The following AFTPH variants were observed in gnomAD, a reference collection of about 807,000 sequenced individuals.
The protein encoded by AFTPH is aftiphilin protein.
Under a neutral mutation model 72.5 loss-of-function variants are expected in AFTPH, and 7 were observed. The ratio of observed to expected loss-of-function variants is 0.10; its 90% CI spans 0.05 to 0.18. The LOEUF is 0.18. AFTPH is among the 10% of genes least tolerant of loss of function. The pLI, the probability that AFTPH is intolerant of heterozygous loss-of-function variation, is 1.00. For synonymous variants in AFTPH, 337 were observed against 370.1 expected, an observed-to-expected ratio of 0.91 and a Z score of 1.03; for missense variants, 979 against 1,060.5, an observed-to-expected ratio of 0.92 and a Z score of 1.07.
chr2:64,562,172 C>T (rs551906657), intron 2 of AFTPH, among the ~76,000 whole-genome samples: 3 of 152,122 alleles, frequency 2.0e-5, no homozygotes, highest in South Asian at 4.1e-4. Flanking sequence ...TGTAGAGCGT[C>T]AAGCATAATA....
chr2:64,534,330 A>G (rs926017276), intron 1 of AFTPH, among the ~76,000 whole-genome samples: 5 of 149,984 alleles, frequency 3.3e-5, no homozygotes, highest in Non-Finnish European at 7.4e-5. Context: ...TTTACACTGA[A>G]CTCTTTTTAT....
exon 2 of AFTPH, chr2:64,551,757 G>C (rs747011850): frequency 1.9e-6 from 3 of 1,613,604 alleles, no homozygotes; most frequent in South Asian, 2.2e-5. Context: ...CATCACTGCT[G>C]AACTTTCTGC....
rs1672428792 is a variant in AFTPH at position 64,571,474 on chromosome 2, G to A, written c.2272-1472G>A. ...TGCATAAGGGCACACCAGAGAGCCT[G>A]TATAATACATATGGTATTGAGTTAG... On this transcript the variant is annotated intron_variant, in intron 5 of 8. Transcript: ENST00000238856. 6.6e-5 allele frequency among the ~76,000 whole-genome samples: 10 copies of A among 152,266 alleles called. No individual in the cohort carries two copies. In the South Asian group the frequency reaches 2.1e-3, roughly 32 times the overall value.
rs1253738724 is a variant in AFTPH at position 64,551,962 on chromosome 2, A to T, written c.488A>T (p.His163Leu). 1.2e-6 allele frequency: 2 copies of T among 1,613,620 alleles called. No individual in the cohort carries two copies. The highest frequency in any genetic ancestry group is 8.5e-7 in the Non-Finnish European group (1 of 1,179,998). The change falls in exon 2 of 9, where the codon CAT (histidine) becomes CTT (leucine). Residue 163 changes from histidine (H) to leucine (L), a missense_variant. His to Leu is a moderately conservative substitution (Grantham distance 99). Coordinates refer to ENST00000238856, the Ensembl canonical transcript of AFTPH. ...TTTAGAACTAATATGAATGTTGTTC[A>T]TCAAAACAAGCAGTTAGAGAGCTGC...
intron 1 of AFTPH, among the ~76,000 whole-genome samples, chr2:64,544,771 C>G (rs58451913): frequency 1.3e-5 from 2 of 152,092 alleles, no homozygotes; most frequent in African/African-American, 4.8e-5. Context: ...GTCTCCCCTA[C>G]ACTGATTGGT....
intron 1 of AFTPH, among the ~76,000 whole-genome samples, chr2:64,537,620 G>A (rs1669967567): frequency 6.6e-6 from 1 of 152,130 alleles, no homozygotes; most frequent in Admixed American, 6.6e-5. Context: ...TTCTGAAAGT[G>A]AAAATTGTTA....
At chr2:64,549,730 A>G (rs1048947130) in intron 1 of AFTPH, among the ~76,000 whole-genome samples, 5 of 152,182 alleles carry the variant, frequency 3.3e-5, no homozygotes, top group African/African-American at 1.2e-4. Context: ...ATTAATTAGT[A>G]TGGGAAGGAT....
chr2:64,584,876 G>A lies in AFTPH; in HGVS notation c.2456-546G>A, dbSNP rs539239760. Among the ~76,000 whole-genome samples the A allele has an allele frequency of 5.8e-4, 88 of 152,250 alleles. 1 individual carries two copies. The South Asian group carries it at 7.0e-3, about 12-fold the overall frequency. ...CTCCCAAAGTGCTGGGATTACAGGC[G>A]TGAGCCACCGCGCCTGGCCAGTCAT... On this transcript the variant is annotated intron_variant, in intron 7 of 8. Transcript: ENST00000238856.
At chr2:64,578,323 C>CA (rs1370450437) in intron 6 of AFTPH, among the ~76,000 whole-genome samples, 3 of 151,448 alleles carry the variant, frequency 2.0e-5, no homozygotes, top group Non-Finnish European at 4.4e-5. Context: ...AAGCGATGTC[C>CA]AAAAAAAGAC....
chr2:64,577,224 T>C (rs914819115), intron 6 of AFTPH, among the ~76,000 whole-genome samples: 1 of 152,236 alleles, frequency 6.6e-6, no homozygotes, highest in Non-Finnish European at 1.5e-5. Flanking sequence ...TAATAATTCA[T>C]ACCACATTGC....
intron 8 of AFTPH, among the ~76,000 whole-genome samples, chr2:64,590,613 A>G (rs1673769419): frequency 6.6e-6 from 1 of 152,222 alleles, no homozygotes; most frequent in Non-Finnish European, 1.5e-5. Context: ...GCAATTAAAA[A>G]TGTAGATTTT....
chr2:64,534,668 G>A (rs896251087), intron 1 of AFTPH, among the ~76,000 whole-genome samples: 1 of 151,554 alleles, frequency 6.6e-6, no homozygotes, highest in African/African-American at 2.4e-5. Context: ...GTTTTTTGTT[G>A]TTGGTGTTGC....
chr2:64,532,263 G>C (rs574147439), intron 1 of AFTPH, among the ~76,000 whole-genome samples: 1 of 152,148 alleles, frequency 6.6e-6, no homozygotes, highest in African/African-American at 2.4e-5. Flanking sequence ...GCCTAGCCTA[G>C]AGCATTGAAA....
At chr2:64,535,781 C>T (rs1458201035) in intron 1 of AFTPH, among the ~76,000 whole-genome samples, 3 of 152,090 alleles carry the variant, frequency 2.0e-5, no homozygotes, top group Non-Finnish European at 4.4e-5. Context: ...CGTGTGACAA[C>T]TTAGAGGTAA....
chr2:64,546,283 A>G (rs2103895831), intron 1 of AFTPH, among the ~76,000 whole-genome samples: 1 of 152,252 alleles, frequency 6.6e-6, no homozygotes, highest in African/African-American at 2.4e-5. Context: ...ATTTTATATT[A>G]TGTCTATTTT....
At chr2:64,576,345 C>T (rs1193608305) in intron 6 of AFTPH, among the ~76,000 whole-genome samples, 10 of 152,050 alleles carry the variant, frequency 6.6e-5, no homozygotes, top group Admixed American at 5.9e-4. Context: ...CTTATGACTG[C>T]ATGCTTTTGG....
At chr2:64,585,114 T>C (rs190331731) in intron 7 of AFTPH, among the ~76,000 whole-genome samples, 241 of 152,304 alleles carry the variant, frequency 1.6e-3, no homozygotes, top group African/African-American at 5.6e-3. Context: ...CTAATCCAAA[T>C]TGGGGGAGTT....
intron 2 of AFTPH, among the ~76,000 whole-genome samples, chr2:64,561,448 A>G (rs1474879126): frequency 6.6e-6 from 1 of 152,210 alleles, no homozygotes; most frequent in East Asian, 1.9e-4. Context: ...AGGCCAAGGC[A>G]GGAGGATTGC....
At chr2:64,536,769 A>G (rs1250903554) in intron 1 of AFTPH, among the ~76,000 whole-genome samples, 4 of 151,714 alleles carry the variant, frequency 2.6e-5, no homozygotes, top group African/African-American at 9.7e-5. Context: ...CCTGGGCAAC[A>G]TGGCGAAACA....
Sources: gnomAD v4.1 joint callset for allele counts (sites outside exome capture counted in the v4.1 genomes callset) on GRCh38, gnomAD v4.1.1 for gene constraint, MANE v1.5 for transcripts, NCBI Gene and HGNC (gene_info 2026-07-23, HGNC 2026-07-21) for gene names.